Variants in IFRD1 observed in about 807,000 individuals in gnomAD.
IFRD1 encodes interferon related developmental regulator 1, also known as interferon-related developmental regulator 1.
In IFRD1, 35 loss-of-function variants were observed where a neutral mutation model predicts 52.9. The observed-to-expected ratio is 0.66, with a 90% confidence interval of 0.51 to 0.88. The LOEUF is 0.88. IFRD1 is among the 40% of genes least tolerant of loss of function. IFRD1 has a pLI of 0.00. For missense variants in IFRD1, 517 were observed against 550.8 expected (o/e 0.94, Z 0.61); for synonymous variants, 184 against 188.4 (o/e 0.98, Z 0.19).
intron 1 of IFRD1, chr7:112,452,487 C>G (rs902632740): frequency 7.2e-6 from 7 of 969,220 alleles, no homozygotes; most frequent in Non-Finnish European, 8.6e-6. Context: ...TCATCTGAAT[C>G]AAACATTTGA....
intron 1 of IFRD1, among the ~76,000 whole-genome samples, chr7:112,433,227 A>G (rs1179172559): frequency 2.0e-5 from 3 of 152,224 alleles, no homozygotes; most frequent in Non-Finnish European, 2.9e-5. Flanking sequence ...TACTCAAATC[A>G]GTCTCCCCAA....
chr7:112,472,949 A>G, intron 11 of IFRD1, 88 bp downstream of exon 11: 1 of 880,442 alleles, frequency 1.1e-6, no homozygotes, highest in East Asian at 2.5e-5. Flanking sequence ...GTCTACCTAT[A>G]TGTGGAGTTT....
intron 9 of IFRD1, among the ~76,000 whole-genome samples, chr7:112,471,574 G>C (rs527798319): frequency 3.4e-4 from 52 of 152,108 alleles, no homozygotes; most frequent in African/African-American, 1.2e-3. Context: ...CACTATTCCA[G>C]CTGACTTTTT....
Position 112,450,739 on chromosome 7 carries a change from C to T in IFRD1, c.51C>T (p.Gly17=). The change falls in exon 1 of 12, where the codon GGC becomes GGT. Residue 17 remains glycine (G), a synonymous_variant. Transcript: ENST00000403825. ...RNTPHRGSSA[G]GGGSGAAAAT... The stretch of plus-strand genomic sequence containing the variant: ...CTCCCCACCGCGGTAGCAGTGCTGG[C>T]GGCGGCGGGTCAGGAGCAGCCGCAG... 1.2e-6 allele frequency: 2 copies of T among 1,611,890 alleles called. No homozygotes were observed. The highest frequency in any genetic ancestry group is 1.7e-6 in the Non-Finnish European group (2 of 1,179,354).
chr7:112,475,640 A>G lies in IFRD1; in HGVS notation c.*121A>G. 1.5e-6 allele frequency: 1 copy of G among 668,342 alleles called. No homozygotes were observed. 41.4% of individuals were successfully genotyped at this position (668,342 alleles called of 1,614,324 possible). A position where few individuals can be genotyped will look rare whatever the true frequency, so the allele number is the denominator to read the frequency against. Reference sequence around the variant, plus strand: ...AGATAACTTTTGTAGCAGTGGTTATATTGCTTATAATTTAATGTACAATAC... The same window carrying G: ...AGATAACTTTTGTAGCAGTGGTTATGTTGCTTATAATTTAATGTACAATAC... On this transcript the variant is annotated 3_prime_UTR_variant, in exon 12 of 12. Transcript: ENST00000403825.
intron 1 of IFRD1, among the ~76,000 whole-genome samples, chr7:112,445,181 C>T (rs550737801): frequency 3.3e-5 from 5 of 151,370 alleles, no homozygotes; most frequent in Non-Finnish European, 5.9e-5. Flanking sequence ...ATTCTCCTGC[C>T]TCAGCCTCCC....
intron 9 of IFRD1, among the ~76,000 whole-genome samples, chr7:112,469,926 G>A (rs1227157887): frequency 1.3e-5 from 2 of 148,310 alleles, no homozygotes; most frequent in Non-Finnish European, 3.0e-5. Context: ...TGTCCTCAGG[G>A]CTTTGCTGAG....
At chr7:112,425,638 G>C (rs1262690978) in intron 1 of IFRD1, among the ~76,000 whole-genome samples, 1 of 152,168 alleles carries the variant, frequency 6.6e-6, no homozygotes, top group East Asian at 1.9e-4. Context: ...CACACTACCA[G>C]CTCTCTGGTT....
intron 1 of IFRD1, among the ~76,000 whole-genome samples, chr7:112,429,527 TCAC>T (rs1369916806): frequency 1.3e-5 from 2 of 152,186 alleles, no homozygotes; most frequent in Admixed American, 6.5e-5. Context: ...TCTTTGTTGT[TCAC>T]CACATTGCCA....
chr7:112,469,145 T>C (rs1185761405), intron 9 of IFRD1, among the ~76,000 whole-genome samples: 1 of 152,226 alleles, frequency 6.6e-6, no homozygotes, highest in Admixed American at 6.5e-5. Context: ...ATACAGCAGT[T>C]ATTTTAAGAA....
At chr7:112,460,241 GTTTTTT>G (rs35314166) in intron 5 of IFRD1, among the ~76,000 whole-genome samples, 1 of 92,950 alleles carries the variant, frequency 1.1e-5, no homozygotes, top group Non-Finnish European at 2.0e-5. Flanking sequence ...CAGTCCTAGG[GTTTTTT>G]TTTTTTTTTT....
At chr7:112,470,765 A>C (rs1795725408) in intron 9 of IFRD1, among the ~76,000 whole-genome samples, 1 of 152,220 alleles carries the variant, frequency 6.6e-6, no homozygotes, top group Non-Finnish European at 1.5e-5. Context: ...TCATCTGTAG[A>C]TTACTTATAA....
At chr7:112,475,239 T>G (rs1276625599) in intron 11 of IFRD1, among the ~76,000 whole-genome samples, 191 bp from the exon 12 acceptor site, 1 of 152,234 alleles carries the variant, frequency 6.6e-6, no homozygotes, top group East Asian at 1.9e-4. Flanking sequence ...ATTACAGGTG[T>G]GAGCCACCTT....
chr7:112,446,868 TGA>T (rs535722160), upstream of IFRD1, among the ~76,000 whole-genome samples: 30 of 152,162 alleles, frequency 2.0e-4, no homozygotes, highest in African/African-American at 7.0e-4. Context: ...CCTGGAAGCT[TGA>T]GAGTGGTGAG....
chr7:112,445,486 T>C (rs1258244502), upstream of IFRD1, among the ~76,000 whole-genome samples: 2 of 152,208 alleles, frequency 1.3e-5, no homozygotes, highest in Admixed American at 6.5e-5. Context: ...CTTTTCTGCG[T>C]AGGGTTGTTG....
At chr7:112,433,963 G>T (rs907891467) in intron 1 of IFRD1, among the ~76,000 whole-genome samples, 1 of 151,948 alleles carries the variant, frequency 6.6e-6, no homozygotes, top group Non-Finnish European at 1.5e-5. Flanking sequence ...GGGACCACAG[G>T]CGTGAGCCAC....
chr7:112,425,590 G>C (rs1160904832), intron 1 of IFRD1, among the ~76,000 whole-genome samples: 2 of 152,150 alleles, frequency 1.3e-5, no homozygotes, highest in Non-Finnish European at 2.9e-5. Context: ...TGCACTGTTG[G>C]CTTCCCTGGT....
rs954962090 is a variant in IFRD1, at chr7:112,467,759, A to G, written c.907-222A>G. Reference sequence around the variant, plus strand: ...TGCATTTACTTGGAAGGGAAATGTTAATTGTTTTGCTGTAGTACATCATCT... The same window carrying G: ...TGCATTTACTTGGAAGGGAAATGTTGATTGTTTTGCTGTAGTACATCATCT... On this transcript the variant is annotated intron_variant, in intron 8 of 11. Coordinates refer to ENST00000403825, the MANE Select transcript of IFRD1 (RefSeq NM_001550.4). 4 of 521,056 alleles carry G rather than the reference A, an allele frequency of 7.7e-6. No individual in the cohort carries two copies. The South Asian group carries it at 8.2e-5, about 11-fold the overall frequency. 32.3% of individuals were successfully genotyped at this position (521,056 alleles called of 1,614,324 possible). A position where few individuals can be genotyped will look rare whatever the true frequency, so the allele number is the denominator to read the frequency against.
intron 10 of IFRD1, 49 bp from the exon 11 acceptor site, chr7:112,472,717 A>T: frequency 1.8e-6 from 2 of 1,096,316 alleles, no homozygotes; most frequent in Non-Finnish European, 2.8e-6. Flanking sequence ...AGTGAAAAAG[A>T]GCTATAATGT....
Sources: gnomAD v4.1 joint callset for allele counts (sites outside exome capture counted in the v4.1 genomes callset) on GRCh38, gnomAD v4.1.1 for gene constraint, MANE v1.5 for transcripts, NCBI Gene and HGNC (gene_info 2026-07-23, HGNC 2026-07-21) for gene names.